Variants in ZBTB16 observed in about 807,000 individuals in gnomAD.
The protein encoded by ZBTB16 is zinc finger and BTB domain containing 16.
Under a neutral mutation model 56.8 loss-of-function variants are expected in ZBTB16, and 8 were observed. That is an observed-to-expected ratio of 0.14 (90% CI 0.08 to 0.25). The LOEUF (loss-of-function observed/expected upper bound fraction) is 0.25. Ranked by LOEUF, ZBTB16 falls within the 10% of genes least tolerant of loss-of-function variation. The pLI, the probability that ZBTB16 is intolerant of heterozygous loss-of-function variation, is 1.00. For synonymous variants in ZBTB16, 363 were observed against 368.5 expected, an observed-to-expected ratio of 0.98 and a Z score of 0.17; for missense variants, 625 against 903.0, an observed-to-expected ratio of 0.69 and a Z score of 3.95.
intron 5 of ZBTB16, among the ~76,000 whole-genome samples, chr11:114,243,892 T>A (rs1283008614): frequency 6.6e-6 from 1 of 152,208 alleles, no homozygotes; most frequent in African/African-American, 2.4e-5. Flanking sequence ...TATGAAAATG[T>A]CACATGCTCT....
At chr11:114,104,506 C>CA (rs1940722238) in intron 2 of ZBTB16, among the ~76,000 whole-genome samples, 1 of 152,188 alleles carries the variant, frequency 6.6e-6, no homozygotes, top group African/African-American at 2.4e-5. Context: ...CCCAAGCAGC[C>CA]AGCAGTCAGC....
In ZBTB16 at chr11:114,251,414, G is replaced by A. The variant is rs567848052; in HGVS notation, c.*859G>A. ...CCATCGTGAGCAAGATTCCTGCTGCGCTGCTTCCAAAATGGAAAAGCATCA... is the reference window on the plus strand; with the variant it reads ...CCATCGTGAGCAAGATTCCTGCTGCACTGCTTCCAAAATGGAAAAGCATCA... On this transcript the variant is annotated 3_prime_UTR_variant, in exon 7 of 7. Transcript: ENST00000335953. Among the ~76,000 whole-genome samples, 30 of 152,250 alleles carry A rather than the reference G, an allele frequency of 2.0e-4. No homozygotes were observed. Among genetic ancestry groups the A allele is most frequent in the Non-Finnish European group, 3.8e-4 (26 of 68,038 alleles).
intron 5 of ZBTB16, chr11:114,246,947 A>G (rs1395024977): frequency 1.8e-6 from 1 of 547,960 alleles, no homozygotes; most frequent in Non-Finnish European, 3.3e-6. Flanking sequence ...TCCCTGAACC[A>G]AATGGGCTCT....
At chr11:114,124,880 A>G (rs1004231515) in intron 2 of ZBTB16, among the ~76,000 whole-genome samples, 5 of 152,214 alleles carry the variant, frequency 3.3e-5, no homozygotes, top group African/African-American at 9.6e-5. Flanking sequence ...AGAGTTCATG[A>G]GCAAGAAGAG....
At chr11:114,230,032 T>G (rs1386928853) in intron 4 of ZBTB16, among the ~76,000 whole-genome samples, 1 of 152,052 alleles carries the variant, frequency 6.6e-6, no homozygotes, top group East Asian at 1.9e-4. Context: ...GGGGCAGGTG[T>G]TGGAAGGGTG....
At chr11:114,199,457 C>T (rs941643276) in intron 4 of ZBTB16, among the ~76,000 whole-genome samples, 1 of 152,390 alleles carries the variant, frequency 6.6e-6, no homozygotes, top group Admixed American at 6.5e-5. Flanking sequence ...TGCCGCTGGG[C>T]AGTGGGCAGG....
intron 2 of ZBTB16, among the ~76,000 whole-genome samples, chr11:114,099,307 T>C (rs1940525828): frequency 6.6e-6 from 1 of 152,166 alleles, no homozygotes; most frequent in African/African-American, 2.4e-5. Context: ...GAGGAGGAGA[T>C]GTAGATACTC....
At chr11:114,065,742 ATAC>A (rs936599559) in intron 2 of ZBTB16, among the ~76,000 whole-genome samples, 2 of 152,180 alleles carry the variant, frequency 1.3e-5, no homozygotes, top group African/African-American at 4.8e-5. Flanking sequence ...ACATGGAACA[ATAC>A]TAAGGCTCAG....
chr11:114,207,006 A>T (rs1354516889), intron 4 of ZBTB16, among the ~76,000 whole-genome samples: 1 of 152,180 alleles, frequency 6.6e-6, no homozygotes, highest in Non-Finnish European at 1.5e-5. Context: ...GGATGGCGGC[A>T]TGCTCTGTTT....
intron 3 of ZBTB16, among the ~76,000 whole-genome samples, chr11:114,167,227 TTTTGG>T (rs1269408061): frequency 1.4e-4 from 10 of 72,384 alleles, no homozygotes; most frequent in African/African-American, 9.1e-4. Flanking sequence ...TTTTTTTTTT[TTTTGG>T]TTTTTTTTTT....
intron 4 of ZBTB16, among the ~76,000 whole-genome samples, chr11:114,209,113 G>A (rs1051795614): frequency 5.3e-5 from 8 of 152,116 alleles, no homozygotes; most frequent in African/African-American, 1.9e-4. Context: ...ATAAGAAGAG[G>A]GCAGAGACAA....
chr11:114,161,502 A>G (rs930252170), intron 3 of ZBTB16, among the ~76,000 whole-genome samples: 1 of 152,182 alleles, frequency 6.6e-6, no homozygotes. Flanking sequence ...TAATGTGTGC[A>G]AAGTGCTAAG....
At chr11:114,222,930 G>A (rs1279486906) in intron 4 of ZBTB16, among the ~76,000 whole-genome samples, 1 of 152,194 alleles carries the variant, frequency 6.6e-6, no homozygotes, top group Non-Finnish European at 1.5e-5. Flanking sequence ...TTATGTGCCT[G>A]AGGGCAGCTC....
At chr11:114,092,146 C>T (rs536967132) in intron 2 of ZBTB16, among the ~76,000 whole-genome samples, 6 of 152,324 alleles carry the variant, frequency 3.9e-5, no homozygotes, top group African/African-American at 1.4e-4. Flanking sequence ...CTCTCTTTCA[C>T]GGCCTCACTG....
At chr11:114,103,430 C>T (rs1056917280) in intron 2 of ZBTB16, among the ~76,000 whole-genome samples, 12 of 152,140 alleles carry the variant, frequency 7.9e-5, no homozygotes, top group African/African-American at 1.4e-4. Context: ...GAGTACCGTC[C>T]GCTTGGACTA....
intron 5 of ZBTB16, among the ~76,000 whole-genome samples, chr11:114,244,216 C>T (rs1003913121): frequency 6.6e-5 from 10 of 151,982 alleles, no homozygotes; most frequent in Non-Finnish European, 1.2e-4. Flanking sequence ...CTGATTCACA[C>T]GGCTCATCAT....
chr11:114,155,565 C>T (rs1267333252), intron 2 of ZBTB16, among the ~76,000 whole-genome samples: 5 of 152,146 alleles, frequency 3.3e-5, no homozygotes, highest in African/African-American at 9.7e-5. Context: ...GGGCCTAGCC[C>T]ACCTCACAGA....
At chr11:114,247,432 C>A in intron 6 of ZBTB16, 67 bp downstream of exon 6, 2 of 1,602,892 alleles carry the variant, frequency 1.2e-6, no homozygotes, top group Non-Finnish European at 1.7e-6. Context: ...AGCAGATAGT[C>A]TCCTAGAGAA....
At chr11:114,174,450 G>A (rs1943053427) in intron 3 of ZBTB16, among the ~76,000 whole-genome samples, 1 of 152,172 alleles carries the variant, frequency 6.6e-6, no homozygotes, top group Non-Finnish European at 1.5e-5. Flanking sequence ...GGAAGCCAAG[G>A]TGGGCGGATC....
Sources: gnomAD v4.1 joint callset for allele counts (sites outside exome capture counted in the v4.1 genomes callset) on GRCh38, gnomAD v4.1.1 for gene constraint, MANE v1.5 for transcripts, NCBI Gene and HGNC (gene_info 2026-07-23, HGNC 2026-07-21) for gene names.